Variants in TAF1 observed in about 807,000 individuals in gnomAD.
TAF1 encodes TATA-box binding protein associated factor 1.
A neutral mutation model predicts 138.5 loss-of-function variants in TAF1; 2 were observed. The ratio of observed to expected loss-of-function variants is 0.01; its 90% CI spans 0.01 to 0.05. The LOEUF (loss-of-function observed/expected upper bound fraction) is 0.05, where lower values mean the gene tolerates loss of function less well. TAF1 is among the 10% of genes least tolerant of loss of function. The probability of loss-of-function intolerance (pLI) is 1.00; values close to 1 mark genes in which losing one functional copy is unlikely to be tolerated. For synonymous variants in TAF1, 437 were observed against 503.2 expected (o/e 0.87, Z 1.76); for missense variants, 709 against 1,478.0 (o/e 0.48, Z 8.53).
At chrX:71,476,057 G>A (rs1414935559) in intron 13 of TAF1, among the ~76,000 whole-genome samples, 2 of 111,653 alleles carry the variant, frequency 1.8e-5, no homozygotes, top group South Asian at 3.7e-4. Flanking sequence ...CCAGCACCAC[G>A]CTTCCTGTAC....
intron 13 of TAF1, among the ~76,000 whole-genome samples, chrX:71,501,484 C>G (rs2039506079): frequency 9.0e-6 from 1 of 110,750 alleles, no homozygotes; most frequent in Admixed American, 9.7e-5. Flanking sequence ...GGAAGTTTGT[C>G]TGATAGGCCT....
At chrX:71,413,037 C>T (rs1319700749) in intron 28 of TAF1, among the ~76,000 whole-genome samples, 6 of 111,669 alleles carry the variant, frequency 5.4e-5, no homozygotes, top group Non-Finnish European at 1.1e-4. Context: ...GCTTGATGCT[C>T]TAAGGAAATC....
In TAF1 at chrX:71,401,609, C is replaced by T; in HGVS notation, c.3868C>T (p.Pro1290Ser). 1.7e-6 allele frequency: 2 copies of T among 1,211,734 alleles called. No individual in the cohort carries two copies. Among genetic ancestry groups the T allele is most frequent in the Non-Finnish European group, 2.2e-6 (2 of 895,558 alleles). The change falls in exon 25 of 38, where the codon CCT (proline) becomes TCT (serine). Residue 1290 changes from proline to serine, a missense_variant. Transcript: ENST00000423759. ...CPLYYQTNAP[P>S]SNPVAMTEEQ... ...CCTCTATTATCAAACAAATGCGCCA[C>T]CTTCCAACCCTGTTGCCATGACAGA...
chrX:71,455,011 A>G, intron 34 of TAF1, 154 bp downstream of exon 34: 2 of 1,161,560 alleles, frequency 1.7e-6, no homozygotes, highest in Non-Finnish European at 2.3e-6. Flanking sequence ...TCAAAGGCTA[A>G]GGTGAGTGAG....
intron 13 of TAF1, among the ~76,000 whole-genome samples, chrX:71,508,616 A>G (rs1193855269): frequency 1.9e-5 from 2 of 105,322 alleles, no homozygotes; most frequent in Non-Finnish European, 3.9e-5. Context: ...GAAAAAAAAA[A>G]AAAAAAGAAA....
rs1042582146 is a variant in TAF1 at position 71,464,902 on chromosome X, A to G, written c.*856A>G. 1 of 111,417 alleles carries G rather than the reference A, an allele frequency of 9.0e-6. No individual in the cohort carries two copies. The highest frequency in any genetic ancestry group is 3.3e-5 in the African/African-American group (1 of 30,629). 9.2% of individuals were successfully genotyped at this position (111,417 alleles called of 1,213,427 possible). A position where few individuals can be genotyped will look rare whatever the true frequency, so the allele number is the denominator to read the frequency against. On this transcript the variant is annotated 3_prime_UTR_variant, in exon 38 of 38. Coordinates refer to ENST00000423759, the MANE Select transcript of TAF1 (RefSeq NM_004606.5). ...TAGTTCCTAAATGGATTGGAGGCAA[A>G]TTACCGTAAATTTTGAAACAGCCTA... is the stretch of plus-strand genomic sequence containing the variant.
At chrX:71,438,182 C>A (rs2037240101) in intron 32 of TAF1, among the ~76,000 whole-genome samples, 2 of 111,142 alleles carry the variant, frequency 1.8e-5, no homozygotes, top group Non-Finnish European at 1.9e-5. Flanking sequence ...GCATTAAGTT[C>A]AATCACAGTG....
At chrX:71,508,090 A>G (rs1023020) in intron 13 of TAF1, among the ~76,000 whole-genome samples, 2 of 80,699 alleles carry the variant, frequency 2.5e-5, no homozygotes, top group South Asian at 1.3e-3. Flanking sequence ...CTCTCTCTAT[A>G]TATATATATA....
At chrX:71,367,258 C>G (rs1266978654) in intron 1 of TAF1, among the ~76,000 whole-genome samples, 2 of 108,515 alleles carry the variant, frequency 1.8e-5, no homozygotes, top group African/African-American at 3.7e-5. Context: ...TTCGTCTTCT[C>G]TTGTAGTATA....
chrX:71,374,164 A>G (rs1437625038), intron 3 of TAF1, among the ~76,000 whole-genome samples: 1 of 110,325 alleles, frequency 9.1e-6, no homozygotes. Flanking sequence ...GCTTACTGCA[A>G]CCTTCACCTC....
At chrX:71,454,713 G>A (rs746949612) in intron 33 of TAF1, 28 bp from the exon 34 acceptor site, 1 of 1,156,397 alleles carries the variant, frequency 8.6e-7, no homozygotes, top group East Asian at 3.0e-5. Context: ...AATACATGTT[G>A]AATGAATTTA....
At chrX:71,451,104 T>C (rs1182993633) in intron 32 of TAF1, among the ~76,000 whole-genome samples, 1 of 112,797 alleles carries the variant, frequency 8.9e-6, no homozygotes, top group Non-Finnish European at 1.9e-5. Flanking sequence ...AAGCCTTCTA[T>C]TGAAATATAA....
chrX:71,388,104 A>T, intron 15 of TAF1, 133 bp from the exon 16 acceptor site: 1 of 957,931 alleles, frequency 1.0e-6, no homozygotes, highest in African/African-American at 2.0e-5. Context: ...CGTCTCAGAA[A>T]AAGTAGGCTG....
intron 13 of TAF1, among the ~76,000 whole-genome samples, chrX:71,507,140 A>G (rs781453169): frequency 1.8e-5 from 2 of 112,156 alleles, no homozygotes; most frequent in Non-Finnish European, 1.9e-5. Flanking sequence ...TTATGAAACT[A>G]TATAGAGGTG....
intron 13 of TAF1, among the ~76,000 whole-genome samples, chrX:71,473,281 A>G (rs997445828): frequency 9.9e-5 from 11 of 110,777 alleles, no homozygotes; most frequent in African/African-American, 3.6e-4. Context: ...AAAGCTTTAC[A>G]GTACAAAAGA....
intron 13 of TAF1, among the ~76,000 whole-genome samples, chrX:71,475,023 G>T (rs1050608883): frequency 1.3e-4 from 14 of 111,590 alleles, no homozygotes; most frequent in Non-Finnish European, 3.8e-5. Context: ...ATCAGGGATG[G>T]GGGTGGGACA....
chrX:71,507,566 A>G (rs1043774594), intron 13 of TAF1, among the ~76,000 whole-genome samples: 3 of 108,144 alleles, frequency 2.8e-5, no homozygotes, highest in African/African-American at 1.1e-4. Flanking sequence ...CATCAAATGC[A>G]TAGAGGAAGC....
chrX:71,435,975 C>T (rs1449232400), intron 32 of TAF1, among the ~76,000 whole-genome samples: 1 of 107,737 alleles, frequency 9.3e-6, no homozygotes, highest in African/African-American at 3.4e-5. Context: ...AATGACTAGC[C>T]AAAGTGCCCA....
intron 13 of TAF1, among the ~76,000 whole-genome samples, chrX:71,480,331 G>T (rs2039049410): frequency 9.0e-6 from 1 of 111,538 alleles, no homozygotes; most frequent in Non-Finnish European, 1.9e-5. Context: ...GGAGTTTGAG[G>T]TTGCAGTGGG....
Sources: allele counts gnomAD v4.1 joint callset (sites outside exome capture counted in the v4.1 genomes callset), GRCh38; gene constraint gnomAD v4.1.1; transcripts MANE v1.5; gene names NCBI Gene and HGNC (gene_info 2026-07-23, HGNC 2026-07-21).